Variants in SOX6 observed in about 807,000 individuals in gnomAD.
SOX6 encodes the protein transcription factor SOX-6.
Under a neutral mutation model 97.8 loss-of-function variants are expected in SOX6, and 11 were observed. The ratio of observed to expected loss-of-function variants is 0.11; its 90% CI spans 0.07 to 0.19. SOX6 has a LOEUF of 0.19. SOX6 is among the 10% of genes least tolerant of loss of function. The pLI, the probability that SOX6 is intolerant of heterozygous loss-of-function variation, is 1.00. For missense variants in SOX6, 810 were observed against 1,039.5 expected (o/e 0.78, Z 3.04); for synonymous variants, 360 against 371.4 (o/e 0.97, Z 0.35).
chr11:16,530,427 A>G (rs1366202267), intron 4 of SOX6, among the ~76,000 whole-genome samples: 2 of 152,146 alleles, frequency 1.3e-5, no homozygotes, highest in South Asian at 2.1e-4. Context: ...AATGAATGCA[A>G]AATGGGAGGT....
intron 4 of SOX6, among the ~76,000 whole-genome samples, chr11:16,489,426 A>T (rs985834165): frequency 6.6e-6 from 1 of 152,128 alleles, no homozygotes; most frequent in Non-Finnish European, 1.5e-5. Flanking sequence ...TTATGTCATT[A>T]TGTGGTTATT....
At chr11:16,042,714 T>C (rs576915372) in intron 12 of SOX6, among the ~76,000 whole-genome samples, 1 of 152,286 alleles carries the variant, frequency 6.6e-6, no homozygotes, top group South Asian at 2.1e-4. Context: ...CCAATTCTTT[T>C]ACTCTACAGT....
At chr11:16,455,191 G>A (rs758577964) in intron 1 of SOX6, among the ~76,000 whole-genome samples, 10 of 151,874 alleles carry the variant, frequency 6.6e-5, no homozygotes, top group Non-Finnish European at 1.5e-5. Flanking sequence ...AAACAAAATA[G>A]TCTCAATTTG....
intron 13 of SOX6, among the ~76,000 whole-genome samples, chr11:16,007,786 A>C (rs1854601382): frequency 6.6e-6 from 1 of 152,138 alleles, no homozygotes; most frequent in African/African-American, 2.4e-5. Context: ...GAACTCTATC[A>C]GTCAGGGTTT....
chr11:16,527,869 G>A (rs1308901582), intron 4 of SOX6, among the ~76,000 whole-genome samples: 2 of 152,098 alleles, frequency 1.3e-5, no homozygotes, highest in Non-Finnish European at 2.9e-5. Flanking sequence ...GGGACTTCGG[G>A]AGTCATTGTG....
At chr11:16,552,816 G>C (rs879358791) in intron 4 of SOX6, among the ~76,000 whole-genome samples, 1 of 152,110 alleles carries the variant, frequency 6.6e-6, no homozygotes, top group African/African-American at 2.4e-5. Context: ...AACAATTATA[G>C]CCTTCCTCTA....
At chr11:16,562,244 C>T (rs1847824205) in intron 4 of SOX6, among the ~76,000 whole-genome samples, 1 of 152,064 alleles carries the variant, frequency 6.6e-6, no homozygotes, top group Non-Finnish European at 1.5e-5. Flanking sequence ...ATAAGACAAA[C>T]ATAAGAGGAC....
chr11:16,389,829 G>A (rs540784100), intron 1 of SOX6, among the ~76,000 whole-genome samples: 15 of 151,598 alleles, frequency 9.9e-5, no homozygotes, highest in Non-Finnish European at 1.9e-4. Flanking sequence ...AATTAGCCAG[G>A]CATGGTGGCA....
At chr11:16,248,973 T>C (rs930998988) in intron 3 of SOX6, among the ~76,000 whole-genome samples, 4 of 152,004 alleles carry the variant, frequency 2.6e-5, no homozygotes, top group Non-Finnish European at 5.9e-5. Context: ...TGGTGGCACA[T>C]GCCTGTAGTC....
At chr11:16,690,525 G>C (rs1216183142) in intron 3 of SOX6, among the ~76,000 whole-genome samples, 1 of 152,180 alleles carries the variant, frequency 6.6e-6, no homozygotes, top group African/African-American at 2.4e-5. Flanking sequence ...AGGGATACAA[G>C]CAAGGTAAAA....
intron 3 of SOX6, among the ~76,000 whole-genome samples, chr11:16,658,589 T>A (rs1311672787): frequency 1.3e-5 from 2 of 151,908 alleles, no homozygotes; most frequent in African/African-American, 2.4e-5. Flanking sequence ...GCACCTGTAG[T>A]CCCAGCTACT....
intron 3 of SOX6, among the ~76,000 whole-genome samples, chr11:16,709,473 G>C (rs1279814346): frequency 6.6e-6 from 1 of 151,868 alleles, no homozygotes; most frequent in Non-Finnish European, 1.5e-5. Context: ...AGTTGAGATC[G>C]TGCGACTGCA....
chr11:16,425,685 G>C (rs556793613), intron 1 of SOX6, among the ~76,000 whole-genome samples: 1 of 152,094 alleles, frequency 6.6e-6, no homozygotes, highest in South Asian at 2.1e-4. Flanking sequence ...CAGTCAAGCC[G>C]AGATCCAAAT....
intron 6 of SOX6, among the ~76,000 whole-genome samples, chr11:16,116,671 A>G (rs1360025669): frequency 6.6e-6 from 1 of 152,202 alleles, no homozygotes; most frequent in African/African-American, 2.4e-5. Flanking sequence ...AATCTTATTC[A>G]TAGTTACCTA....
At chr11:16,616,093 C>T (rs1344217888) in intron 3 of SOX6, among the ~76,000 whole-genome samples, 1 of 152,092 alleles carries the variant, frequency 6.6e-6, no homozygotes, top group Non-Finnish European at 1.5e-5. Context: ...TTCATACATG[C>T]CTTTCTCCAT....
chr11:16,583,958 C>T (rs973802581), intron 4 of SOX6, among the ~76,000 whole-genome samples: 6 of 151,884 alleles, frequency 4.0e-5, no homozygotes, highest in African/African-American at 7.3e-5. Flanking sequence ...CTAACTGGGG[C>T]GAGATAATAT....
chr11:16,563,373 A>T (rs1290614319), intron 4 of SOX6, among the ~76,000 whole-genome samples: 2 of 152,200 alleles, frequency 1.3e-5, no homozygotes, highest in African/African-American at 4.8e-5. Flanking sequence ...TAAGCCTGGG[A>T]GTTTTATGCT....
At chr11:16,062,607 C>T (rs545069323) in intron 9 of SOX6, among the ~76,000 whole-genome samples, 1 of 151,652 alleles carries the variant, frequency 6.6e-6, no homozygotes, top group Non-Finnish European at 1.5e-5. Flanking sequence ...GAAAAATTCA[C>T]ACTGATTGTT....
At chr11:16,007,222 T>G (rs1206726723) in intron 13 of SOX6, among the ~76,000 whole-genome samples, 3 of 152,132 alleles carry the variant, frequency 2.0e-5, no homozygotes, top group Non-Finnish European at 2.9e-5. Context: ...TATGGTATAG[T>G]CCATTGCTCC....
Sources: allele counts gnomAD v4.1 joint callset (sites outside exome capture counted in the v4.1 genomes callset), GRCh38; gene constraint gnomAD v4.1.1; transcripts MANE v1.5; gene names NCBI Gene and HGNC (gene_info 2026-07-23, HGNC 2026-07-21).